The following DPP10 variants were observed in gnomAD, a reference collection of about 807,000 sequenced individuals.
DPP10 encodes the protein inactive dipeptidyl peptidase 10.
DPP10 carries 33 observed loss-of-function variants against 120.9 expected under a neutral mutation model. The observed-to-expected ratio is 0.27, with a 90% CI of 0.21 to 0.37. The LOEUF (loss-of-function observed/expected upper bound fraction) is 0.37. Among genes scored for constraint, DPP10 ranks in the 10% least tolerant of loss-of-function variants. DPP10 has a pLI of 1.00. For synonymous variants in DPP10, 337 were observed against 326.1 expected (o/e 1.03, Z -0.36); for missense variants, 816 against 942.8 (o/e 0.87, Z 1.76).
chr2:114,762,535 C>T (rs1345179177), intron 1 of DPP10, among the ~76,000 whole-genome samples: 1 of 152,058 alleles, frequency 6.6e-6, no homozygotes, highest in Non-Finnish European at 1.5e-5. Flanking sequence ...TTGAGTAGTC[C>T]CATGGAATAT....
intron 21 of DPP10, among the ~76,000 whole-genome samples, chr2:115,822,598 T>C (rs1012255903): frequency 6.6e-6 from 1 of 151,962 alleles, no homozygotes. Flanking sequence ...AAAGATAATT[T>C]TGTTTGGTGT....
chr2:115,791,082 A>T lies in DPP10; in HGVS notation c.1533A>T (p.Lys511Asn). The T allele has an allele frequency of 6.2e-7, 1 of 1,609,840 alleles. No individual in the cohort carries two copies. The highest frequency in any genetic ancestry group is 8.5e-7 in the Non-Finnish European group (1 of 1,178,186). ...TACACTACCCTTTTTGGTTTACAGA[A>T]TATTTTATATTGGAAAGCAATTCTA... ...VSLHSTDNPA[K>N]YFILESNSML... The change falls in exon 18 of 26, where the codon AAA (lysine) becomes AAT (asparagine). Residue 511 changes from lysine (K) to asparagine (N), a missense_variant and splice_region_variant. Coordinates refer to ENST00000410059, the MANE Select transcript of DPP10 (RefSeq NM_020868.6).
intron 1 of DPP10, among the ~76,000 whole-genome samples, chr2:114,771,238 T>C (rs1681219637): frequency 6.6e-6 from 1 of 152,134 alleles, no homozygotes; most frequent in South Asian, 2.1e-4. Flanking sequence ...ATCGTCTCAG[T>C]TGAGATTTGG....
At chr2:115,266,679 G>T (rs2105785147) in intron 1 of DPP10, among the ~76,000 whole-genome samples, 1 of 152,188 alleles carries the variant, frequency 6.6e-6, no homozygotes, top group African/African-American at 2.4e-5. Context: ...TTTGTCTGTG[G>T]TATTAAGCTT....
At position 115,655,745 on chromosome 2, in the gene DPP10, G is replaced by A. The variant is rs1005795630; in HGVS notation, c.442-33942G>A. On this transcript the variant is annotated intron_variant, in intron 5 of 25. Coordinates refer to ENST00000410059, the MANE Select transcript of DPP10 (RefSeq NM_020868.6). ...ATAAAAAGATATTAATCATATAATC[G>A]CTCAACACATTCCTACTGAATTGAT... 5.3e-5 allele frequency among the ~76,000 whole-genome samples: 8 copies of A among 151,320 alleles called. No homozygotes were observed. In the East Asian group the frequency reaches 1.2e-3, roughly 22 times the overall value.
chr2:114,462,603 A>G (rs1438324273), intron 1 of DPP10, among the ~76,000 whole-genome samples: 1 of 152,316 alleles, frequency 6.6e-6, no homozygotes, highest in Admixed American at 6.5e-5. Flanking sequence ...TCATATCCTA[A>G]CAAGGGTCTA....
intron 3 of DPP10, among the ~76,000 whole-genome samples, chr2:115,365,575 T>C (rs760728104): frequency 2.0e-5 from 3 of 152,070 alleles, no homozygotes; most frequent in Non-Finnish European, 2.9e-5. Context: ...AAAGTATTTT[T>C]TTTTCTCCTT....
At chr2:115,149,292 A>G (rs1325070326) in intron 1 of DPP10, among the ~76,000 whole-genome samples, 1 of 152,206 alleles carries the variant, frequency 6.6e-6, no homozygotes, top group Non-Finnish European at 1.5e-5. Flanking sequence ...AATTCTATCC[A>G]TTATTTTTAC....
At chr2:115,533,570 A>C (rs2078604984) in intron 5 of DPP10, among the ~76,000 whole-genome samples, 1 of 152,098 alleles carries the variant, frequency 6.6e-6, no homozygotes, top group Admixed American at 6.6e-5. Context: ...TATCTAATTA[A>C]AGTCTGGACC....
At chr2:114,959,042 G>GT (rs1290569759) in intron 1 of DPP10, among the ~76,000 whole-genome samples, 2 of 151,872 alleles carry the variant, frequency 1.3e-5, no homozygotes, top group African/African-American at 2.4e-5. Context: ...TTGTTTGGTG[G>GT]TTTTTTTGGT....
At chr2:114,489,166 A>G (rs912471296) in intron 1 of DPP10, among the ~76,000 whole-genome samples, 1 of 152,216 alleles carries the variant, frequency 6.6e-6, no homozygotes, top group Non-Finnish European at 1.5e-5. Context: ...CGGATCCCTT[A>G]TGTATTTATA....
At chr2:114,569,643 C>T (rs1689467201) in intron 1 of DPP10, among the ~76,000 whole-genome samples, 1 of 152,152 alleles carries the variant, frequency 6.6e-6, no homozygotes, top group Non-Finnish European at 1.5e-5. Flanking sequence ...TATGTTACTG[C>T]TCCCCTTAAA....
intron 1 of DPP10, among the ~76,000 whole-genome samples, chr2:114,571,732 T>C (rs1689663862): frequency 6.6e-6 from 1 of 151,854 alleles, no homozygotes; most frequent in Non-Finnish European, 1.5e-5. Context: ...AAGCAGAGGT[T>C]TGAATGAACT....
intron 1 of DPP10, among the ~76,000 whole-genome samples, chr2:115,029,958 T>C (rs1703727326): frequency 6.6e-6 from 1 of 152,190 alleles, no homozygotes; most frequent in South Asian, 2.1e-4. Context: ...CTCAAAGGGA[T>C]CCTCTTCAGA....
intron 1 of DPP10, among the ~76,000 whole-genome samples, chr2:114,502,475 A>T (rs888505780): frequency 6.6e-6 from 1 of 152,260 alleles, no homozygotes. Context: ...AATTTAAAAA[A>T]TCATACTACA....
intron 3 of DPP10, among the ~76,000 whole-genome samples, chr2:115,360,180 C>G (rs2064673627): frequency 6.6e-6 from 1 of 152,184 alleles, no homozygotes; most frequent in Non-Finnish European, 1.5e-5. Context: ...GATACTCTGA[C>G]TTTTTGAATT....
chr2:115,296,729 G>T (rs2105953285), intron 1 of DPP10, among the ~76,000 whole-genome samples: 1 of 152,146 alleles, frequency 6.6e-6, no homozygotes, highest in Non-Finnish European at 1.5e-5. Flanking sequence ...TTCTTCTGAT[G>T]TTTAATACAT....
intron 5 of DPP10, among the ~76,000 whole-genome samples, chr2:115,575,785 A>T (rs970201025): frequency 2.0e-5 from 3 of 152,166 alleles, no homozygotes; most frequent in African/African-American, 4.8e-5. Flanking sequence ...GGCCTAATGT[A>T]ATCATATGGA....
intron 1 of DPP10, among the ~76,000 whole-genome samples, chr2:115,012,208 G>T (rs959423534): frequency 2.6e-5 from 4 of 152,036 alleles, no homozygotes; most frequent in Non-Finnish European, 5.9e-5. Context: ...TACCAGCCCT[G>T]GTAGCTGAAG....
Sources: gnomAD v4.1 joint callset for allele counts (sites outside exome capture counted in the v4.1 genomes callset) on GRCh38, gnomAD v4.1.1 for gene constraint, MANE v1.5 for transcripts, NCBI Gene and HGNC (gene_info 2026-07-23, HGNC 2026-07-21) for gene names.